The following FAM111B variants were observed in gnomAD, a reference collection of about 807,000 sequenced individuals.
FAM111B encodes the protein serine protease FAM111B.
FAM111B carries 1 observed loss-of-function variant against 2.8 expected under a neutral mutation model. The observed-to-expected ratio is 0.36, with a 90% confidence interval of 0.13 to 1.70. The LOEUF is 1.70. FAM111B is among the 40% of genes most tolerant of loss of function. FAM111B has a pLI of 0.35. For missense variants in FAM111B, 882 were observed against 878.9 expected, an observed-to-expected ratio of 1.00 and a Z score of -0.04; for synonymous variants, 297 against 295.6, an observed-to-expected ratio of 1.00 and a Z score of -0.05.
chr11:59,109,459 C>G, intron 2 of FAM111B, 81 bp from the exon 3 acceptor site: 1 of 497,540 alleles, frequency 2.0e-6, no homozygotes, highest in South Asian at 3.1e-5. Flanking sequence ...TCTCAGATAT[C>G]AGAGATGAGG....
chr11:59,124,343 C>G lies in FAM111B; in HGVS notation c.246C>G (p.Thr82=). Residue 82 remains threonine, a synonymous_variant, in exon 4 of 4, where the codon ACC becomes ACG. Transcript: ENST00000343597. ...TGAACAATAAAGAATGTTGTTTCAC[C>G]TTTACGTTGAATGGAAACTCCAGAA... ...PNLNNKECCF[T]FTLNGNSRKL... is the part of the protein sequence containing the mutation. 6.2e-7 allele frequency: 1 copy of G among 1,613,778 alleles called. No homozygotes were observed. Among genetic ancestry groups the G allele is most frequent in the Non-Finnish European group, 8.5e-7 (1 of 1,179,824 alleles).
chr11:59,126,884 A>C lies in FAM111B; in HGVS notation c.*582A>C. On this transcript the variant is annotated 3_prime_UTR_variant, in exon 4 of 4. Coordinates refer to ENST00000343597, the MANE Select transcript of FAM111B (RefSeq NM_198947.4). ...TACCATTCAAGCCAGCAATCTCATG[A>C]CTGGGTATATGTCCAAAGGAATATA... 6.2e-6 allele frequency: 1 copy of C among 160,034 alleles called. No homozygotes were observed. Among genetic ancestry groups the C allele is most frequent in the Admixed American group, 6.5e-5 (1 of 15,294 alleles). The allele number at this position is 160,034 out of a possible 1,614,324, so 9.9% of individuals were successfully genotyped here. A position where few individuals can be genotyped will look rare whatever the true frequency, so the allele number is the denominator to read the frequency against.
chr11:59,110,916 A>G (rs1484109912), intron 3 of FAM111B, among the ~76,000 whole-genome samples: 2 of 152,224 alleles, frequency 1.3e-5, no homozygotes, highest in South Asian at 2.1e-4. Context: ...CTTTATATCA[A>G]TAAGAGCTTT....
At chr11:59,108,458 C>T (rs1399134267) in intron 1 of FAM111B, among the ~76,000 whole-genome samples, 1 of 152,228 alleles carries the variant, frequency 6.6e-6, no homozygotes, top group Non-Finnish European at 1.5e-5. Context: ...AGTCTCTCAG[C>T]TTTGTCTCCT....
intron 1 of FAM111B, among the ~76,000 whole-genome samples, 181 bp from the exon 2 acceptor site, chr11:59,108,487 T>C (rs1314751778): frequency 3.9e-5 from 6 of 152,190 alleles, no homozygotes; most frequent in South Asian, 4.1e-4. Flanking sequence ...GAATTCCTAC[T>C]GGTTTTGTCT....
At chr11:59,117,235 G>T (rs1859852442) in intron 3 of FAM111B, among the ~76,000 whole-genome samples, 1 of 152,142 alleles carries the variant, frequency 6.6e-6, no homozygotes, top group Non-Finnish European at 1.5e-5. Flanking sequence ...CCTTGGAAAG[G>T]AAGAGACATG....
intron 3 of FAM111B, among the ~76,000 whole-genome samples, chr11:59,110,932 T>C (rs1208919998): frequency 6.6e-6 from 1 of 152,208 alleles, no homozygotes; most frequent in Non-Finnish European, 1.5e-5. Context: ...GCTTTCCACA[T>C]TTCCAGTAAA....
rs537477522 is a variant in FAM111B at position 59,125,451 on chromosome 11, G to A, written c.1354G>A (p.Glu452Lys). The A allele has an allele frequency of 8.7e-5, 141 of 1,613,904 alleles. No homozygotes were observed. Among genetic ancestry groups the A allele is most frequent in the South Asian group, 2.0e-4 (18 of 91,058 alleles). The change falls in exon 4 of 4, where the codon GAA becomes AAA. Residue 452 changes from glutamate (E) to lysine (K), a missense_variant. Transcript: ENST00000343597. ...TANSVSVATC[E>K]QLTYYSKSVG... ...AAATTCTGTTTCAGTTGCAACCTGC[G>A]AACAGCTTACATATTATAGCAAGTC...
chr11:59,120,831 C>A (rs113623403), intron 3 of FAM111B, among the ~76,000 whole-genome samples: 3,032 of 152,202 alleles, frequency 0.02, 95 homozygotes, highest in African/African-American at 0.063. Flanking sequence ...TTTTGAGGTA[C>A]TAGGGATTAG....
At chr11:59,110,500 G>C (rs1859741603) in intron 3 of FAM111B, among the ~76,000 whole-genome samples, 1 of 152,070 alleles carries the variant, frequency 6.6e-6, no homozygotes, top group Non-Finnish European at 1.5e-5. Context: ...TAATAACACT[G>C]TTGTATACTC....
chr11:59,115,470 C>T (rs1859824645), intron 3 of FAM111B, among the ~76,000 whole-genome samples: 1 of 152,172 alleles, frequency 6.6e-6, no homozygotes, highest in African/African-American at 2.4e-5. Flanking sequence ...TTTTAGTCTC[C>T]CATGCAATAG....
In FAM111B at chr11:59,124,186, T is replaced by C. The variant is rs780434423; in HGVS notation, c.89T>C (p.Val30Ala). ...TAATCTTTCCTTTTTAAGGATACTGTCATGAAGCAGACACATGCTGACACA... is the reference window on the plus strand; with the variant it reads ...TAATCTTTCCTTTTTAAGGATACTGCCATGAAGCAGACACATGCTGACACA... ...RTRPEVSKDT[V>A]MKQTHADTPV... Residue 30 changes from valine (V) to alanine (A), a missense_variant, in exon 4 of 4, where the codon GTC becomes GCC. Transcript: ENST00000343597. The C allele has an allele frequency of 6.2e-7, 1 of 1,607,826 alleles. No homozygotes were observed. The highest frequency in any genetic ancestry group is 2.2e-5 in the East Asian group (1 of 44,800).
intron 3 of FAM111B, among the ~76,000 whole-genome samples, chr11:59,122,891 C>T (rs1859945919): frequency 6.6e-6 from 1 of 152,160 alleles, no homozygotes; most frequent in South Asian, 2.1e-4. Flanking sequence ...CCGAGCTGTA[C>T]CTCCTGATTT....
chr11:59,124,335 T>A lies in FAM111B; in HGVS notation c.238T>A (p.Cys80Ser), dbSNP rs1408139629. 6.2e-7 allele frequency: 1 copy of A among 1,613,894 alleles called. No homozygotes were observed. Among genetic ancestry groups the A allele is most frequent in the Admixed American group, 1.7e-5 (1 of 60,012 alleles). ...QNPNLNNKECCFTFTLNGNSR... is the reference protein window; with the variant it reads ...QNPNLNNKECSFTFTLNGNSR... The stretch of plus-strand genomic sequence containing the variant: ...TCCAAATTTGAACAATAAAGAATGT[T>A]GTTTCACCTTTACGTTGAATGGAAA... The change falls in exon 4 of 4, where the codon TGT (cysteine) becomes AGT (serine). Residue 80 changes from cysteine (C) to serine (S), a missense_variant. Cys to Ser is a moderately radical substitution (Grantham distance 112). Transcript: ENST00000343597.
chr11:59,123,996 TTAAAA>T (rs564290979), intron 3 of FAM111B, among the ~76,000 whole-genome samples, 178 bp from the exon 4 acceptor site: 13 of 151,236 alleles, frequency 8.6e-5, no homozygotes, highest in South Asian at 8.4e-4. Context: ...AAATTAAAAA[TTAAAA>T]TAAAGTGTAG....
chr11:59,118,254 A>T (rs1328781589), intron 3 of FAM111B, among the ~76,000 whole-genome samples: 1 of 152,144 alleles, frequency 6.6e-6, no homozygotes, highest in Non-Finnish European at 1.5e-5. Context: ...AGTGTGAATC[A>T]TCCTTAGGTT....
At chr11:59,114,290 G>A (rs566299599) in intron 3 of FAM111B, among the ~76,000 whole-genome samples, 25 of 152,278 alleles carry the variant, frequency 1.6e-4, no homozygotes, top group African/African-American at 3.9e-4. Flanking sequence ...GGTGGACAGG[G>A]GCCAGAACAC....
rs776628218 is a variant in FAM111B, at chr11:59,125,902, A to G, written c.1805A>G (p.Tyr602Cys). The G allele has an allele frequency of 2.5e-6, 4 of 1,613,936 alleles. No individual in the cohort carries two copies. The highest frequency in any genetic ancestry group is 2.2e-5 in the East Asian group (1 of 44,876). The change falls in exon 4 of 4, where the codon TAT becomes TGT. Residue 602 changes from tyrosine to cysteine, a missense_variant. Coordinates refer to ENST00000343597, the MANE Select transcript of FAM111B (RefSeq NM_198947.4). ...VIPLNERLKK[Y>C]PNDCQDGLVD... ...CCTCTAAACGAACGATTGAAAAAATATCCAAACGATTGTCAAGATGGGTTG... is the reference window on the plus strand; with the variant it reads ...CCTCTAAACGAACGATTGAAAAAATGTCCAAACGATTGTCAAGATGGGTTG...
Position 59,126,242 on chromosome 11 carries a change from A to T in FAM111B, c.2145A>T (p.Glu715Asp), listed in dbSNP as rs757443259. 4 of 1,594,536 alleles carry T rather than the reference A, an allele frequency of 2.5e-6. No individual in the cohort carries two copies. The African/African-American group carries it at 5.4e-5, about 22-fold the overall frequency. The change falls in exon 4 of 4, where the codon GAA becomes GAT. Residue 715 changes from glutamate (E) to aspartate (D), a missense_variant. Glu to Asp is a conservative substitution (Grantham distance 45, BLOSUM62 2). Transcript: ENST00000343597. Reference sequence around the variant, plus strand: ...ATGAGAAACTTGAGACCTACGATGAAGAGAAAGGTAAACAAGAGTCATCAC... The same window carrying T: ...ATGAGAAACTTGAGACCTACGATGATGAGAAAGGTAAACAAGAGTCATCAC... ...LNDEKLETYDEEKGKQESSLQ... is the reference protein window; with the variant it reads ...LNDEKLETYDDEKGKQESSLQ...
Sources: allele counts gnomAD v4.1 joint callset (sites outside exome capture counted in the v4.1 genomes callset), GRCh38; gene constraint gnomAD v4.1.1; transcripts MANE v1.5; gene names NCBI Gene and HGNC (gene_info 2026-07-23, HGNC 2026-07-21).